The following RAB14 variants were observed in gnomAD, a reference collection of about 807,000 sequenced individuals.
The protein encoded by RAB14 is RAB14, member RAS oncogene family.
Under a neutral mutation model 31.1 loss-of-function variants are expected in RAB14, and 3 were observed. The observed-to-expected ratio is 0.10, with a 90% confidence interval of 0.04 to 0.25. The LOEUF (loss-of-function observed/expected upper bound fraction) is 0.25. Ranked by LOEUF, RAB14 falls within the 10% of genes least tolerant of loss-of-function variation. The pLI is 1.00. For synonymous variants in RAB14, 85 were observed against 84.9 expected, an observed-to-expected ratio of 1.00 and a Z score of 0.00; for missense variants, 111 against 260.1, an observed-to-expected ratio of 0.43 and a Z score of 3.94.
At position 121,183,629 on chromosome 9, in the gene RAB14, T is replaced by A. The variant is rs77708601; in HGVS notation, c.352-231A>T. ...TGACAAACTTTCTGTAAAGAATAAA[T>A]ACTATATTCTTCAGGTTTGTGGGCC... On this transcript the variant is annotated intron_variant, in intron 5 of 7. Coordinates refer to ENST00000373840, the MANE Select transcript of RAB14 (RefSeq NM_016322.4). Among the ~76,000 whole-genome samples the A allele has an allele frequency of 0.023, 3,549 of 152,300 alleles. 51 individuals are homozygous for A. The highest frequency in any genetic ancestry group is 0.044 in the South Asian group (213 of 4,828).
chr9:121,188,843 G>A (rs186266688), intron 4 of RAB14, among the ~76,000 whole-genome samples: 1 of 151,976 alleles, frequency 6.6e-6, no homozygotes, highest in Admixed American at 6.6e-5. Flanking sequence ...TTCTTTTAAA[G>A]TACGTAATTT....
rs1310383758 is a variant in RAB14, at chr9:121,180,329, C to A, written c.*1067G>T. The A allele has an allele frequency of 6.6e-6, 1 of 152,510 alleles. No homozygotes were observed. The highest frequency in any genetic ancestry group is 1.5e-5 in the Non-Finnish European group (1 of 67,994). 9.4% of individuals were successfully genotyped at this position (152,510 alleles called of 1,614,324 possible). A position where few individuals can be genotyped will look rare whatever the true frequency, so the allele number is the denominator to read the frequency against. On this transcript the variant is annotated 3_prime_UTR_variant, in exon 8 of 8. Transcript: ENST00000373840. Reference sequence around the variant, plus strand: ...TGCAATAGTAAACCCAGCCTTTTTTCTTTTTCTATACAGTAAGGCAAGAAT... The same window carrying A: ...TGCAATAGTAAACCCAGCCTTTTTTATTTTTCTATACAGTAAGGCAAGAAT...
chr9:121,188,138 T>C (rs1461902094), intron 4 of RAB14, among the ~76,000 whole-genome samples: 3 of 151,990 alleles, frequency 2.0e-5, no homozygotes, highest in Admixed American at 6.6e-5. Flanking sequence ...AAAAGTCATA[T>C]ATATCAAAAT....
At chr9:121,191,568 T>C (rs958938857) in intron 3 of RAB14, among the ~76,000 whole-genome samples, 1 of 152,172 alleles carries the variant, frequency 6.6e-6, no homozygotes, top group Admixed American at 6.6e-5. Flanking sequence ...ACAAATTTAT[T>C]AGTCCTTTCC....
intron 1 of RAB14, 33 bp from the exon 2 acceptor site, chr9:121,193,452 G>A (rs376820507): frequency 3.5e-6 from 5 of 1,428,660 alleles, no homozygotes; most frequent in East Asian, 2.4e-5. Flanking sequence ...TACTTCAGAA[G>A]GAAAGCATAT....
At chr9:121,181,744 C>CTTTTTTTT (rs3838268) in intron 7 of RAB14, among the ~76,000 whole-genome samples, 171 bp from the exon 8 acceptor site, 8 of 102,898 alleles carry the variant, frequency 7.8e-5, no homozygotes, top group Non-Finnish European at 1.6e-4. Flanking sequence ...AACTATTTTC[C>CTTTTTTTT]TTTTTTTTTT....
chr9:121,187,111 AAAAT>A (rs1292639814), intron 4 of RAB14, 92 bp from the exon 5 acceptor site: 48 of 700,376 alleles, frequency 6.9e-5, no homozygotes, highest in Non-Finnish European at 9.6e-5. Flanking sequence ...AACATATCCT[AAAAT>A]AATAATTTTG....
At chr9:121,195,068 T>C (rs2053707813) in intron 1 of RAB14, among the ~76,000 whole-genome samples, 1 of 152,156 alleles carries the variant, frequency 6.6e-6, no homozygotes, top group Admixed American at 6.5e-5. Context: ...AACAACTTTA[T>C]TCCCTTTTCC....
At position 121,190,671 on chromosome 9, in the gene RAB14, C is replaced by G; in HGVS notation, c.167G>C (p.Ser56Thr). 6.2e-7 allele frequency: 1 copy of G among 1,613,210 alleles called. No individual in the cohort carries two copies. Among genetic ancestry groups the G allele is most frequent in the South Asian group, 1.1e-5 (1 of 91,064 alleles). Reference sequence around the variant, plus strand: ...AATCTGCAGTTTTATTTTTTGGCCACTAACTTCGATTATTCTTGTACCAAA... The same window carrying G: ...AATCTGCAGTTTTATTTTTTGGCCAGTAACTTCGATTATTCTTGTACCAAA... ...VEFGTRIIEV[S>T]GQKIKLQIWD... The change falls in exon 4 of 8, where the codon AGT becomes ACT. Residue 56 changes from serine to threonine, a missense_variant. Coordinates refer to ENST00000373840, the MANE Select transcript of RAB14 (RefSeq NM_016322.4).
At chr9:121,181,699 A>G in intron 7 of RAB14, 126 bp from the exon 8 acceptor site, 1 of 552,626 alleles carries the variant, frequency 1.8e-6, no homozygotes, top group East Asian at 3.1e-5. Context: ...ATCTAATAAG[A>G]GATTACCAGA....
At chr9:121,181,865 A>G (rs1163525841) in intron 7 of RAB14, among the ~76,000 whole-genome samples, 1 of 142,876 alleles carries the variant, frequency 7.0e-6, no homozygotes, top group Admixed American at 7.9e-5. Context: ...CTCCTGCTTC[A>G]GCCTCCCGAG....
In RAB14 at chr9:121,181,236, T is replaced by C. The variant is rs931435243; in HGVS notation, c.*160A>G. On this transcript the variant is annotated 3_prime_UTR_variant, in exon 8 of 8. Transcript: ENST00000373840. ...GATAACCTGATTACATCTAGTTGTT[T>C]AGCAGTTTAGTATTGTGTTAAACTG... is the stretch of plus-strand genomic sequence containing the variant. 6 of 657,890 alleles carry C rather than the reference T, an allele frequency of 9.1e-6. No individual in the cohort carries two copies. Among genetic ancestry groups the C allele is most frequent in the Non-Finnish European group, 9.3e-6 (4 of 432,018 alleles). 40.8% of individuals were successfully genotyped at this position (657,890 alleles called of 1,614,324 possible). A position where few individuals can be genotyped will look rare whatever the true frequency, so the allele number is the denominator to read the frequency against.
chr9:121,200,144 G>C (rs1336912842), intron 1 of RAB14, among the ~76,000 whole-genome samples: 2 of 152,184 alleles, frequency 1.3e-5, no homozygotes, highest in African/African-American at 4.8e-5. Context: ...CAGTACTGGA[G>C]GGAGAACCCT....
rs1396046417 is a variant in RAB14, at chr9:121,181,085, A to G, written c.*311T>C. The G allele has an allele frequency of 4.6e-6, 1 of 216,194 alleles. No individual in the cohort carries two copies. 13.4% of individuals were successfully genotyped at this position (216,194 alleles called of 1,614,324 possible). A position where few individuals can be genotyped will look rare whatever the true frequency, so the allele number is the denominator to read the frequency against. On this transcript the variant is annotated 3_prime_UTR_variant, in exon 8 of 8. Coordinates refer to ENST00000373840, the MANE Select transcript of RAB14 (RefSeq NM_016322.4). ...AAAGCCTTGCCAAAGGGAGGGTAAA[A>G]ATCATGAAGTCCAGCATCAGTGCTC... is the stretch of plus-strand genomic sequence containing the variant.
At chr9:121,190,526 A>T (rs775032978) in intron 4 of RAB14, 28 bp downstream of exon 4, 13 of 1,541,760 alleles carry the variant, frequency 8.4e-6, no homozygotes, top group Non-Finnish European at 1.1e-5. Flanking sequence ...TATTTTCCCC[A>T]TATGAAGGTT....
intron 5 of RAB14, among the ~76,000 whole-genome samples, chr9:121,186,597 G>A (rs911990923): frequency 1.3e-5 from 2 of 152,078 alleles, no homozygotes; most frequent in South Asian, 2.1e-4. Context: ...AAACAGTACA[G>A]AAAGATCTCT....
In RAB14 at chr9:121,179,586, G is replaced by A. The variant is rs1463089979; in HGVS notation, c.*1810C>T. The A allele has an allele frequency of 6.6e-6, 1 of 152,602 alleles. No individual in the cohort carries two copies. The highest frequency in any genetic ancestry group is 1.5e-5 in the Non-Finnish European group (1 of 68,040). 9.5% of individuals were successfully genotyped at this position (152,602 alleles called of 1,614,324 possible). ...AGTCCCTTGTGATGCAACAGTGTAAGCAAAATGGATCACTGTAAGTCTTTA... is the reference window on the plus strand; with the variant it reads ...AGTCCCTTGTGATGCAACAGTGTAAACAAAATGGATCACTGTAAGTCTTTA... On this transcript the variant is annotated 3_prime_UTR_variant, in exon 8 of 8. Transcript: ENST00000373840.
At chr9:121,198,649 C>T (rs1564322692) in intron 1 of RAB14, among the ~76,000 whole-genome samples, 1 of 152,182 alleles carries the variant, frequency 6.6e-6, no homozygotes, top group Non-Finnish European at 1.5e-5. Context: ...CTGAGATGGA[C>T]TGCTTCTGTA....
chr9:121,197,533 C>A (rs972869411), intron 1 of RAB14, among the ~76,000 whole-genome samples: 1 of 152,118 alleles, frequency 6.6e-6, no homozygotes, highest in Non-Finnish European at 1.5e-5. Context: ...AAATATTAAA[C>A]ACTAATTATT....
Sources: allele counts gnomAD v4.1 joint callset (sites outside exome capture counted in the v4.1 genomes callset), GRCh38; gene constraint gnomAD v4.1.1; transcripts MANE v1.5; gene names NCBI Gene and HGNC (gene_info 2026-07-23, HGNC 2026-07-21).